CSMD1: variants seen among roughly 807,000 people sequenced by gnomAD.
The protein encoded by CSMD1 is CUB and sushi domain-containing protein 1.
Under a neutral mutation model 417.5 loss-of-function variants are expected in CSMD1, and 213 were observed. That is an observed-to-expected ratio of 0.51 (90% confidence interval 0.46 to 0.57). The LOEUF (loss-of-function observed/expected upper bound fraction) is 0.57. Ranked by LOEUF, CSMD1 falls within the 20% of genes least tolerant of loss-of-function variation. CSMD1 has a pLI of 0.00. For synonymous variants in CSMD1, 2,862 were observed against 1,736.8 expected (o/e 1.65, Z -16.11); for missense variants, 6,923 against 4,529.7 (o/e 1.53, Z -15.17).
At chr8:4,798,526 T>A (rs957147324) in intron 1 of CSMD1, among the ~76,000 whole-genome samples, 1 of 152,158 alleles carries the variant, frequency 6.6e-6, no homozygotes, top group Non-Finnish European at 1.5e-5. Context: ...AACAGACAGG[T>A]TAGTATCTGA....
chr8:3,446,028 G>A (rs1367601605), intron 12 of CSMD1, among the ~76,000 whole-genome samples: 3 of 152,188 alleles, frequency 2.0e-5, no homozygotes, highest in Admixed American at 6.5e-5. Context: ...TCCCGGGCCC[G>A]GATTGATAAT....
At position 4,523,963 on chromosome 8, in the gene CSMD1, C is replaced by G. The variant is rs943444026; in HGVS notation, c.303-103898G>C. Among the ~76,000 whole-genome samples the G allele has an allele frequency of 2.0e-5, 3 of 152,184 alleles. No homozygotes were observed. In the South Asian group the frequency reaches 6.2e-4, roughly 32 times the overall value. ...GTGAAAGTCCAGGTGTTTCCCCAGC[C>G]AGCAGTTCCTACGCTCTCCTCAAAT... On this transcript the variant is annotated intron_variant, in intron 2 of 69. Transcript: ENST00000635120.
intron 1 of CSMD1, among the ~76,000 whole-genome samples, chr8:4,748,721 A>C (rs1811112971): frequency 6.6e-6 from 1 of 152,258 alleles, no homozygotes; most frequent in Admixed American, 6.5e-5. Flanking sequence ...AGATATTCAA[A>C]GAATACTCAA....
chr8:3,823,210 G>A (rs1454886363), intron 5 of CSMD1, among the ~76,000 whole-genome samples: 3 of 152,032 alleles, frequency 2.0e-5, no homozygotes, highest in Non-Finnish European at 4.4e-5. Flanking sequence ...AATATTGGTG[G>A]GTTATTAGTT....
chr8:4,182,333 T>TA (rs1390404462), intron 3 of CSMD1, among the ~76,000 whole-genome samples: 3 of 152,148 alleles, frequency 2.0e-5, no homozygotes, highest in African/African-American at 7.2e-5. Context: ...TTTATTCTTG[T>TA]AATCCCCAAT....
intron 10 of CSMD1, among the ~76,000 whole-genome samples, chr8:3,544,531 G>C (rs1358001333): frequency 6.6e-6 from 1 of 151,964 alleles, no homozygotes; most frequent in Non-Finnish European, 1.5e-5. Context: ...TTGCACTGTG[G>C]ACTCGCCCTG....
In CSMD1 at chr8:3,427,406, A is replaced by T. The variant is rs1006698012; in HGVS notation, c.1562-17801T>A. On this transcript the variant is annotated intron_variant, in intron 12 of 69. Coordinates refer to ENST00000635120, the MANE Select transcript of CSMD1 (RefSeq NM_033225.6). The stretch of plus-strand genomic sequence containing the variant: ...CCCTGTCTCCTATTTAATAATAACT[A>T]ATCATAAAAATTTAACAATATGTAA... Among the ~76,000 whole-genome samples, 4 of 152,214 alleles carry T rather than the reference A, an allele frequency of 2.6e-5. 1 individual carries two copies. Among genetic ancestry groups the T allele is most frequent in the Non-Finnish European group, 5.9e-5 (4 of 68,044 alleles).
At chr8:3,472,210 TC>T (rs1260848346) in intron 11 of CSMD1, among the ~76,000 whole-genome samples, 3 of 152,114 alleles carry the variant, frequency 2.0e-5, no homozygotes, top group Non-Finnish European at 1.5e-5. Flanking sequence ...AGGTATAACA[TC>T]AAGGTGCAAG....
At chr8:3,574,213 C>T (rs1258253846) in intron 10 of CSMD1, among the ~76,000 whole-genome samples, 1 of 152,130 alleles carries the variant, frequency 6.6e-6, no homozygotes, top group African/African-American at 2.4e-5. Flanking sequence ...AACACATGAA[C>T]TGTAGAAAAC....
At chr8:4,166,864 C>T (rs1584945006) in intron 3 of CSMD1, among the ~76,000 whole-genome samples, 1 of 152,156 alleles carries the variant, frequency 6.6e-6, no homozygotes, top group Non-Finnish European at 1.5e-5. Flanking sequence ...CAATGAACAA[C>T]AAATAATATT....
chr8:3,276,820 C>T (rs1258272630), intron 26 of CSMD1, among the ~76,000 whole-genome samples: 1 of 152,074 alleles, frequency 6.6e-6, no homozygotes, highest in South Asian at 2.1e-4. Context: ...AATTTTCACG[C>T]ATATCTAATT....
chr8:3,946,985 T>C (rs1811270956), intron 5 of CSMD1, among the ~76,000 whole-genome samples: 1 of 152,196 alleles, frequency 6.6e-6, no homozygotes, highest in African/African-American at 2.4e-5. Context: ...ATCATATAAA[T>C]AAATACGTTG....
chr8:3,435,663 G>A (rs1814512804), intron 12 of CSMD1, among the ~76,000 whole-genome samples: 1 of 152,062 alleles, frequency 6.6e-6, no homozygotes, highest in Admixed American at 6.6e-5. Context: ...CCTGCACGGT[G>A]CCACCCACCT....
At chr8:3,681,906 T>A (rs1394624179) in intron 7 of CSMD1, among the ~76,000 whole-genome samples, 2 of 152,162 alleles carry the variant, frequency 1.3e-5, no homozygotes, top group Admixed American at 6.5e-5. Context: ...GACTATCTGA[T>A]CTTTGACAAA....
intron 1 of CSMD1, among the ~76,000 whole-genome samples, chr8:4,984,597 C>T (rs1811072840): frequency 1.3e-5 from 2 of 152,194 alleles, no homozygotes; most frequent in East Asian, 1.9e-4. Flanking sequence ...TGTTCCTGTT[C>T]CCTTCCTCCT....
chr8:3,736,811 C>T (rs1451889637), intron 6 of CSMD1, among the ~76,000 whole-genome samples: 2 of 152,156 alleles, frequency 1.3e-5, no homozygotes, highest in African/African-American at 4.8e-5. Context: ...CATAAATAGG[C>T]CCTGTTTTGT....
chr8:4,976,870 T>C (rs570850205), intron 1 of CSMD1, among the ~76,000 whole-genome samples: 29 of 152,196 alleles, frequency 1.9e-4, no homozygotes, highest in East Asian at 5.8e-4. Context: ...TAAAGAAATA[T>C]AGAGGGACAT....
rs769449326 is a variant in CSMD1, at chr8:3,209,929, T to C, written c.4868-4309A>G. Among the ~76,000 whole-genome samples the C allele has an allele frequency of 1.3e-3, 196 of 152,260 alleles. 1 individual carries two copies. Among genetic ancestry groups the C allele is most frequent in the Non-Finnish European group, 2.3e-3 (158 of 68,014 alleles). ...AAACAAAACTAGCAAACAGAAGTCATTGTGACCCATGAAAGGGGCTCAACT... is the reference window on the plus strand; with the variant it reads ...AAACAAAACTAGCAAACAGAAGTCACTGTGACCCATGAAAGGGGCTCAACT... On this transcript the variant is annotated intron_variant, in intron 30 of 69. Coordinates refer to ENST00000635120, the MANE Select transcript of CSMD1 (RefSeq NM_033225.6).
chr8:3,327,361 G>A (rs982767680), intron 23 of CSMD1, among the ~76,000 whole-genome samples: 1 of 151,994 alleles, frequency 6.6e-6, no homozygotes, highest in East Asian at 1.9e-4. Flanking sequence ...TCTCGATCTC[G>A]TGACCTTGTG....
Sources: gnomAD v4.1 joint callset for allele counts (sites outside exome capture counted in the v4.1 genomes callset) on GRCh38, gnomAD v4.1.1 for gene constraint, MANE v1.5 for transcripts, NCBI Gene and HGNC (gene_info 2026-07-23, HGNC 2026-07-21) for gene names.